RNF122: variants seen among roughly 807,000 people sequenced by gnomAD.
The protein encoded by RNF122 is ring finger protein 122.
Under a neutral mutation model 24.2 loss-of-function variants are expected in RNF122, and 17 were observed. The ratio of observed to expected loss-of-function variants is 0.70; its 90% CI spans 0.48 to 1.06. The LOEUF (loss-of-function observed/expected upper bound fraction) is 1.06, where lower values mean the gene tolerates loss of function less well. RNF122 is among the 50% of genes least tolerant of loss of function. The probability of loss-of-function intolerance (pLI) is 0.00; values close to 1 mark genes in which losing one functional copy is unlikely to be tolerated. For synonymous variants in RNF122, 65 were observed against 71.8 expected (o/e 0.91, Z 0.48); for missense variants, 168 against 198.1 (o/e 0.85, Z 0.91).
At chr8:33,549,774 T>C (rs1810343038) in intron 4 of RNF122, among the ~76,000 whole-genome samples, 1 of 152,198 alleles carries the variant, frequency 6.6e-6, no homozygotes, top group African/African-American at 2.4e-5. Flanking sequence ...TTGAATGGCA[T>C]GGATATAGAA....
chr8:33,556,196 A>AAAAAAAAAG (rs1810450005), intron 2 of RNF122, among the ~76,000 whole-genome samples: 1 of 150,880 alleles, frequency 6.6e-6, no homozygotes, highest in African/African-American at 2.5e-5. Flanking sequence ...AAAAAAAAAA[A>AAAAAAAAAG]AAAAAAAAGA....
intron 4 of RNF122, among the ~76,000 whole-genome samples, chr8:33,550,157 T>A (rs1425348627): frequency 6.6e-6 from 1 of 152,216 alleles, no homozygotes; most frequent in Non-Finnish European, 1.5e-5. Context: ...GGTCTCGAAC[T>A]CCTGACCTCA....
intron 4 of RNF122, among the ~76,000 whole-genome samples, chr8:33,550,452 G>A (rs1810358180): frequency 6.6e-6 from 1 of 152,118 alleles, no homozygotes; most frequent in African/African-American, 2.4e-5. Context: ...GAGTGTCTGT[G>A]GTCATGAACA....
chr8:33,560,602 G>GT (rs1319718290), intron 1 of RNF122, among the ~76,000 whole-genome samples: 1 of 151,224 alleles, frequency 6.6e-6, no homozygotes, highest in Non-Finnish European at 1.5e-5. Flanking sequence ...ACCTAGAATT[G>GT]TGATAGCCAA....
chr8:33,563,599 AAAG>A (rs1423973529), intron 1 of RNF122, among the ~76,000 whole-genome samples: 4 of 152,214 alleles, frequency 2.6e-5, no homozygotes, highest in African/African-American at 9.6e-5. Flanking sequence ...TCTGTGGGTC[AAAG>A]AAGAACAATT....
intron 2 of RNF122, among the ~76,000 whole-genome samples, chr8:33,551,785 C>A (rs1487866528): frequency 3.3e-5 from 5 of 152,128 alleles, no homozygotes; most frequent in Admixed American, 1.3e-4. Flanking sequence ...TTCTGTTAAG[C>A]CAGGATAGCA....
chr8:33,566,663 C>A (rs752843615), intron 1 of RNF122, 36 bp downstream of exon 1: 1 of 1,588,010 alleles, frequency 6.3e-7, no homozygotes, highest in Non-Finnish European at 8.6e-7. Flanking sequence ...CTCCCACCAG[C>A]CCCACGTAGG....
chr8:33,553,766 G>A (rs1306310035), intron 2 of RNF122, among the ~76,000 whole-genome samples: 1 of 152,160 alleles, frequency 6.6e-6, no homozygotes, highest in African/African-American at 2.4e-5. Flanking sequence ...GTAGCACAGT[G>A]CAGGGCAGAT....
At chr8:33,554,715 C>T (rs1289597224) in intron 2 of RNF122, among the ~76,000 whole-genome samples, 1 of 152,224 alleles carries the variant, frequency 6.6e-6, no homozygotes, top group Admixed American at 6.5e-5. Flanking sequence ...CCATTTCTAG[C>T]CGCTGCCAGT....
At chr8:33,551,267 C>A in intron 3 of RNF122, 77 bp downstream of exon 3, 1 of 1,572,360 alleles carries the variant, frequency 6.4e-7, no homozygotes, top group Non-Finnish European at 8.8e-7. Context: ...CCCAGGAGAA[C>A]CTGAGCCTGC....
rs574244724 is a variant in RNF122 at position 33,548,522 on chromosome 8, G to C, written c.*231C>G. On this transcript the variant is annotated 3_prime_UTR_variant, in exon 6 of 6. Coordinates refer to ENST00000256257, the MANE Select transcript of RNF122 (RefSeq NM_024787.3). ...TACCAGGAGACAGTGGTCTTGATGG[G>C]TGAGGCCACCAGCATGGAGTAGCAG... The C allele has an allele frequency of 1.8e-5, 8 of 448,878 alleles. No homozygotes were observed. The highest frequency in any genetic ancestry group is 1.4e-4 in the African/African-American group (7 of 51,210). The allele number at this position is 448,878 out of a possible 1,614,324, so 27.8% of individuals were successfully genotyped here.
In RNF122 at chr8:33,562,984, G is replaced by A. The variant is rs771949667; in HGVS notation, c.25+3715C>T. On this transcript the variant is annotated intron_variant, in intron 1 of 5. Coordinates refer to ENST00000256257, the MANE Select transcript of RNF122 (RefSeq NM_024787.3). Reference sequence around the variant, plus strand: ...TGCACACCTGTAGTCCCAGTTACTCGGGAGGCTGGAGCAGGAGAATTGGTT... The same window carrying A: ...TGCACACCTGTAGTCCCAGTTACTCAGGAGGCTGGAGCAGGAGAATTGGTT... Among the ~76,000 whole-genome samples, 4 of 152,086 alleles carry A rather than the reference G, an allele frequency of 2.6e-5. No individual in the cohort carries two copies. In the East Asian group the frequency reaches 7.7e-4, roughly 29 times the overall value.
At chr8:33,565,100 C>G (rs1264799880) in intron 1 of RNF122, among the ~76,000 whole-genome samples, 7 of 151,826 alleles carry the variant, frequency 4.6e-5, no homozygotes, top group Non-Finnish European at 1.0e-4. Context: ...CCAAGAAAGA[C>G]CAGGGGATCT....
At chr8:33,554,044 G>T (rs1810414898) in intron 2 of RNF122, among the ~76,000 whole-genome samples, 1 of 152,204 alleles carries the variant, frequency 6.6e-6, no homozygotes, top group African/African-American at 2.4e-5. Flanking sequence ...GTCCAGAAAA[G>T]GTCTTTGTAC....
intron 1 of RNF122, among the ~76,000 whole-genome samples, chr8:33,559,447 A>G (rs576139146): frequency 6.6e-6 from 1 of 152,300 alleles, no homozygotes; most frequent in African/African-American, 2.4e-5. Context: ...AGCTAGCCAT[A>G]TGACCGTTAA....
chr8:33,566,007 C>T (rs986039611), intron 1 of RNF122, among the ~76,000 whole-genome samples: 1 of 152,186 alleles, frequency 6.6e-6, no homozygotes, highest in Non-Finnish European at 1.5e-5. Flanking sequence ...GCATGCGCCA[C>T]CACTCCCGGC....
chr8:33,548,656 G>T lies in RNF122; in HGVS notation c.*97C>A. 1 of 779,202 alleles carries T rather than the reference G, an allele frequency of 1.3e-6. No homozygotes were observed. Among genetic ancestry groups the T allele is most frequent in the Non-Finnish European group, 2.3e-6 (1 of 443,454 alleles). The allele number at this position is 779,202 out of a possible 1,614,324, so 48.3% of individuals were successfully genotyped here. On this transcript the variant is annotated 3_prime_UTR_variant, in exon 6 of 6. Coordinates refer to ENST00000256257, the MANE Select transcript of RNF122 (RefSeq NM_024787.3). ...CCTTCTCATCACTGGGAAAGTGATC[G>T]TCATCACCCTACAGTCCTGTTGGTT...
intron 4 of RNF122, among the ~76,000 whole-genome samples, chr8:33,549,935 G>GT (rs776996573): frequency 0.013 from 1,825 of 139,940 alleles, 20 homozygotes; most frequent in African/African-American, 0.033. Flanking sequence ...GATCAGTTAT[G>GT]TTTTTTTTTT....
Position 33,558,716 on chromosome 8 carries a change from G to A in RNF122, c.81C>T (p.Pro27=). 3 of 1,611,340 alleles carry A rather than the reference G, an allele frequency of 1.9e-6. No individual in the cohort carries two copies. The Admixed American group carries it at 5.0e-5, about 27-fold the overall frequency. ...VSTNKSCSMP[P]ISFQDLPLNI... ...TGAGCGGAAGGTCCTGGAAACTGAT[G>A]GGTGGCATCGAGCAGGACTTGTTGG... The change falls in exon 2 of 6, where the codon CCC becomes CCT. Residue 27 remains proline (P), a synonymous_variant. Coordinates refer to ENST00000256257, the MANE Select transcript of RNF122 (RefSeq NM_024787.3).
Sources: gnomAD v4.1 joint callset for allele counts (sites outside exome capture counted in the v4.1 genomes callset) on GRCh38, gnomAD v4.1.1 for gene constraint, MANE v1.5 for transcripts, NCBI Gene and HGNC (gene_info 2026-07-23, HGNC 2026-07-21) for gene names.